The following MDGA2 variants were observed in gnomAD, a reference collection of about 807,000 sequenced individuals.
The protein encoded by MDGA2 is MAM domain containing glycosylphosphatidylinositol anchor 2.
In MDGA2, 40 loss-of-function variants were observed where a neutral mutation model predicts 117.8. The observed-to-expected ratio is 0.34, with a 90% CI of 0.26 to 0.44. The LOEUF (loss-of-function observed/expected upper bound fraction) is 0.44. Among genes scored for constraint, MDGA2 ranks in the 20% least tolerant of loss-of-function variants. The pLI is 1.00. For missense variants in MDGA2, 1,123 were observed against 1,250.6 expected (o/e 0.90, Z 1.54); for synonymous variants, 452 against 439.0 (o/e 1.03, Z -0.37).
At chr14:47,466,223 G>A (rs1227948463) in intron 1 of MDGA2, among the ~76,000 whole-genome samples, 10 of 151,938 alleles carry the variant, frequency 6.6e-5, no homozygotes, top group African/African-American at 2.4e-4. Context: ...GGGGTACTGG[G>A]CTTAATTCCT....
At chr14:47,058,473 A>G (rs532391293) in intron 7 of MDGA2, 1 of 958,820 alleles carries the variant, frequency 1.0e-6, no homozygotes, top group Non-Finnish European at 1.2e-6. Flanking sequence ...CATTTGTGTG[A>G]ATTTCCTCAG....
chr14:47,182,543 A>T (rs1281472682), intron 3 of MDGA2, among the ~76,000 whole-genome samples: 1 of 152,158 alleles, frequency 6.6e-6, no homozygotes, highest in Non-Finnish European at 1.5e-5. Flanking sequence ...AGAGAGGTTC[A>T]CTGGAAACCT....
At chr14:47,222,916 A>G (rs1310574521) in intron 2 of MDGA2, among the ~76,000 whole-genome samples, 2 of 152,224 alleles carry the variant, frequency 1.3e-5, no homozygotes, top group African/African-American at 2.4e-5. Flanking sequence ...ATACAGTTGT[A>G]CGAGTCTGTT....
At chr14:47,234,581 A>G (rs1326167342) in intron 2 of MDGA2, among the ~76,000 whole-genome samples, 1 of 152,150 alleles carries the variant, frequency 6.6e-6, no homozygotes, top group Non-Finnish European at 1.5e-5. Flanking sequence ...TACATGTTAA[A>G]GATACAACAC....
chr14:46,898,400 G>T (rs188676613), intron 10 of MDGA2, among the ~76,000 whole-genome samples: 1 of 152,132 alleles, frequency 6.6e-6, no homozygotes, highest in East Asian at 1.9e-4. Flanking sequence ...AAGGCGTCAA[G>T]GTACATTTCT....
intron 14 of MDGA2, among the ~76,000 whole-genome samples, chr14:46,866,650 AG>A (rs1881774660): frequency 6.6e-6 from 1 of 151,788 alleles, no homozygotes; most frequent in Non-Finnish European, 1.5e-5. Context: ...CATCTGACAA[AG>A]GGCTAATATC....
intron 1 of MDGA2, among the ~76,000 whole-genome samples, chr14:47,470,476 T>C (rs1328097914): frequency 6.6e-6 from 1 of 152,194 alleles, no homozygotes; most frequent in African/African-American, 2.4e-5. Context: ...TAGTATTCCA[T>C]GGTGTATATG....
chr14:46,876,845 T>C (rs1168432080), intron 12 of MDGA2, among the ~76,000 whole-genome samples: 1 of 151,644 alleles, frequency 6.6e-6, no homozygotes, highest in Non-Finnish European at 1.5e-5. Context: ...TATGTCTTCA[T>C]AGTAAATCCT....
chr14:47,386,783 T>A (rs1383297088), intron 1 of MDGA2, among the ~76,000 whole-genome samples: 1 of 152,156 alleles, frequency 6.6e-6, no homozygotes, highest in Non-Finnish European at 1.5e-5. Context: ...CATGACTCAG[T>A]GTAACAGACT....
intron 1 of MDGA2, among the ~76,000 whole-genome samples, chr14:47,591,568 T>C (rs1258828879): frequency 6.6e-6 from 1 of 152,102 alleles, no homozygotes; most frequent in Non-Finnish European, 1.5e-5. Context: ...GCAAACCGAA[T>C]CCAGCAGCAC....
chr14:47,404,428 C>T (rs968363118), intron 1 of MDGA2, among the ~76,000 whole-genome samples: 7 of 151,796 alleles, frequency 4.6e-5, no homozygotes, highest in African/African-American at 1.5e-4. Flanking sequence ...TCAAGTGATC[C>T]GCCTGCCTTG....
At chr14:47,525,703 A>G (rs1006759335) in intron 1 of MDGA2, among the ~76,000 whole-genome samples, 2 of 150,906 alleles carry the variant, frequency 1.3e-5, no homozygotes, top group Non-Finnish European at 3.0e-5. Flanking sequence ...ATAAAATAAT[A>G]AAAAAAAAGC....
At chr14:47,598,201 T>G (rs1356510094) in intron 1 of MDGA2, among the ~76,000 whole-genome samples, 1 of 152,178 alleles carries the variant, frequency 6.6e-6, no homozygotes, top group Admixed American at 6.5e-5. Flanking sequence ...ATTGAAAAAT[T>G]GCAATCCTTA....
At chr14:46,881,009 A>AAC (rs72117373) in intron 11 of MDGA2, among the ~76,000 whole-genome samples, 2,599 of 145,628 alleles carry the variant, frequency 0.018, 61 homozygotes, top group African/African-American at 0.048. Flanking sequence ...AACTATCACT[A>AAC]ACACACACAC....
chr14:47,113,084 G>A (rs975103525), intron 5 of MDGA2, among the ~76,000 whole-genome samples: 2 of 151,958 alleles, frequency 1.3e-5, no homozygotes, highest in Non-Finnish European at 2.9e-5. Context: ...ACTTTTTAAC[G>A]GGAATATTTT....
intron 2 of MDGA2, among the ~76,000 whole-genome samples, chr14:47,246,612 G>A (rs1308729365): frequency 6.6e-6 from 1 of 151,490 alleles, no homozygotes; most frequent in African/African-American, 2.4e-5. Context: ...TAACTGCCTT[G>A]GAAAGAACAG....
At chr14:47,647,190 T>C (rs988870898) in intron 1 of MDGA2, among the ~76,000 whole-genome samples, 5 of 152,184 alleles carry the variant, frequency 3.3e-5, no homozygotes, top group African/African-American at 9.6e-5. Flanking sequence ...TCTAAGATTT[T>C]AATTATTCAA....
At chr14:47,305,179 A>T (rs1433059737) in intron 1 of MDGA2, 2 of 152,192 alleles carry the variant, frequency 1.3e-5, no homozygotes, top group African/African-American at 4.8e-5. Context: ...ATCAACTATT[A>T]TGGCAGTGCA....
chr14:47,648,929 A>T (rs1002201861), intron 1 of MDGA2, among the ~76,000 whole-genome samples: 15 of 152,172 alleles, frequency 9.9e-5, no homozygotes, highest in Non-Finnish European at 2.2e-4. Context: ...TTTACCTAAA[A>T]TTATATTAAC....
Sources: gnomAD v4.1 joint callset for allele counts (sites outside exome capture counted in the v4.1 genomes callset) on GRCh38, gnomAD v4.1.1 for gene constraint, MANE v1.5 for transcripts, NCBI Gene and HGNC (gene_info 2026-07-23, HGNC 2026-07-21) for gene names.